The following EPM2A variants were observed in gnomAD, a reference collection of about 807,000 sequenced individuals.
EPM2A encodes laforin.
EPM2A carries 21 observed loss-of-function variants against 26.5 expected under a neutral mutation model. The ratio of observed to expected loss-of-function variants is 0.79; its 90% CI spans 0.56 to 1.14. EPM2A has a LOEUF of 1.14. Among genes scored for constraint, EPM2A ranks in the 50% most tolerant of loss-of-function variants. EPM2A has a pLI of 0.00. For missense variants in EPM2A, 458 were observed against 440.8 expected (o/e 1.04, Z -0.35); for synonymous variants, 217 against 177.6 (o/e 1.22, Z -1.76).
chr6:145,535,333 T>C (rs1481157630), intron 2 of EPM2A, among the ~76,000 whole-genome samples: 2 of 152,228 alleles, frequency 1.3e-5, no homozygotes, highest in East Asian at 3.8e-4. Context: ...GTCAAGGAAA[T>C]CTTGCTTCTT....
At chr6:145,726,481 T>G (rs1776212383) in intron 1 of EPM2A, among the ~76,000 whole-genome samples, 1 of 152,078 alleles carries the variant, frequency 6.6e-6, no homozygotes, top group African/African-American at 2.4e-5. Context: ...GACTACAGTA[T>G]GGAAATATGG....
intron 2 of EPM2A, among the ~76,000 whole-genome samples, chr6:145,645,933 T>C (rs1174254920): frequency 6.6e-6 from 1 of 152,172 alleles, no homozygotes; most frequent in African/African-American, 2.4e-5. Flanking sequence ...TCTGCATTCA[T>C]GACTGTGCTT....
intron 2 of EPM2A, among the ~76,000 whole-genome samples, chr6:145,676,595 A>G (rs1302471278): frequency 1.3e-5 from 2 of 152,132 alleles, no homozygotes; most frequent in South Asian, 2.1e-4. Context: ...GATAAAGAAG[A>G]TATCACCACC....
At chr6:145,620,806 A>G (rs757706622), downstream of EPM2A, among the ~76,000 whole-genome samples, 8 of 152,232 alleles carry the variant, frequency 5.3e-5, no homozygotes, top group African/African-American at 9.6e-5. Context: ...TTTAAATAAC[A>G]GCAATTTTTT....
intron 4 of EPM2A, among the ~76,000 whole-genome samples, chr6:145,412,491 T>C (rs1778657503): frequency 6.6e-6 from 1 of 152,158 alleles, no homozygotes; most frequent in African/African-American, 2.4e-5. Flanking sequence ...ATAAATTACA[T>C]ATCTGGTCAT....
downstream of EPM2A, chr6:145,501,479 C>T (rs1181670179): frequency 5.6e-6 from 1 of 179,218 alleles, no homozygotes; most frequent in Non-Finnish European, 1.2e-5. Flanking sequence ...TTTGTGGCCA[C>T]CTGGTTGGTC....
At chr6:145,637,484 T>C (rs927426496) in intron 2 of EPM2A, 13 of 152,078 alleles carry the variant, frequency 8.5e-5, no homozygotes, top group Admixed American at 3.9e-4. Flanking sequence ...TTTTTTTTTT[T>C]CTACTTGTGT....
chr6:145,416,122 C>T (rs934568204), intron 4 of EPM2A, among the ~76,000 whole-genome samples: 2 of 151,968 alleles, frequency 1.3e-5, no homozygotes, highest in African/African-American at 4.8e-5. Context: ...CACTTGTCAG[C>T]AAAAAGAGAA....
chr6:145,439,507 T>G (rs1779034032), intron 4 of EPM2A, among the ~76,000 whole-genome samples: 2 of 152,214 alleles, frequency 1.3e-5, no homozygotes, highest in Admixed American at 1.3e-4. Context: ...TAAAAGCCAT[T>G]CTGACTGACG....
At chr6:145,672,615 T>C (rs1025369111) in intron 2 of EPM2A, among the ~76,000 whole-genome samples, 1 of 152,224 alleles carries the variant, frequency 6.6e-6, no homozygotes, top group Non-Finnish European at 1.5e-5. Flanking sequence ...GCTGGGAAAC[T>C]TTCCCTCCCC....
intron 2 of EPM2A, among the ~76,000 whole-genome samples, chr6:145,572,680 A>G (rs1477439875): frequency 3.9e-5 from 6 of 152,012 alleles, no homozygotes; most frequent in African/African-American, 1.4e-4. Flanking sequence ...CGATTCACCT[A>G]TGGGGCCTGC....
rs79873911 is a variant in EPM2A at position 145,731,186 on chromosome 6, C to T, written c.301+4012G>A. On this transcript the variant is annotated intron_variant, in intron 1 of 3. Coordinates refer to ENST00000367519, the MANE Select transcript of EPM2A (RefSeq NM_005670.4). ...TAACGATCTTAAGCCTGCTGGCTCC[C>T]CAGCCACACACCCTGAGCGGAATTT... 1.5e-4 allele frequency among the ~76,000 whole-genome samples: 23 copies of T among 152,320 alleles called. No individual in the cohort carries two copies. The East Asian group carries it at 4.4e-3, about 29-fold the overall frequency.
At chr6:145,584,564 C>T (rs1781162866) in intron 2 of EPM2A, among the ~76,000 whole-genome samples, 1 of 152,178 alleles carries the variant, frequency 6.6e-6, no homozygotes, top group African/African-American at 2.4e-5. Flanking sequence ...GGCTGGAATT[C>T]TGCTCCTACC....
chr6:145,625,933 T>C lies in EPM2A; in HGVS notation c.*1483A>G, dbSNP rs1775780575. On this transcript the variant is annotated 3_prime_UTR_variant, in exon 4 of 4. Transcript: ENST00000367519. Reference sequence around the variant, plus strand: ...AGTTTAATTAGGAAAGTAAGGGCTTTGAATCAAACCCAGCTTTGTATCTCA... The same window carrying C: ...AGTTTAATTAGGAAAGTAAGGGCTTCGAATCAAACCCAGCTTTGTATCTCA... 7.4e-7 allele frequency: 1 copy of C among 1,358,984 alleles called. No individual in the cohort carries two copies. Among genetic ancestry groups the C allele is most frequent in the East Asian group, 2.6e-5 (1 of 39,084 alleles). The allele number at this position is 1,358,984 out of a possible 1,614,324, so 84.2% of individuals were successfully genotyped here. A position where few individuals can be genotyped will look rare whatever the true frequency, so the allele number is the denominator to read the frequency against.
rs186710183 is a variant in EPM2A at position 145,635,344 on chromosome 6, G to A, written c.619C>T (p.Arg207Cys). 18 of 1,614,032 alleles carry A rather than the reference G, an allele frequency of 1.1e-5. No homozygotes were observed. The highest frequency in any genetic ancestry group is 4.5e-5 in the East Asian group (2 of 44,876). Residue 207 changes from arginine (R) to cysteine (C), a missense_variant, in exon 3 of 4, where the codon CGC becomes TGC. By Grantham distance (180) the Arg-to-Cys change is radical. Coordinates refer to ENST00000367519, the MANE Select transcript of EPM2A (RefSeq NM_005670.4). The part of the protein sequence containing the change: ...DIVQNSSGCN[R>C]YPEPMTPDTM... ...TCTGGAGTCATGGGCTCTGGGTAGC[G>A]GTTACAGCCTGAGGAATTCTGTACA...
At chr6:145,565,738 C>A (rs1321981401) in intron 2 of EPM2A, among the ~76,000 whole-genome samples, 6 of 152,174 alleles carry the variant, frequency 3.9e-5, no homozygotes. Flanking sequence ...TGGGTATCAA[C>A]CTGCCCAAAT....
chr6:145,680,982 G>C (rs1780483911), intron 2 of EPM2A, among the ~76,000 whole-genome samples: 1 of 151,464 alleles, frequency 6.6e-6, no homozygotes, highest in Admixed American at 6.6e-5. Flanking sequence ...CTTCCACAAG[G>C]GTTGAACTAG....
At chr6:145,645,897 C>G (rs1033295396) in intron 2 of EPM2A, among the ~76,000 whole-genome samples, 1 of 152,094 alleles carries the variant, frequency 6.6e-6, no homozygotes, top group East Asian at 1.9e-4. Context: ...GTGCCCGGCC[C>G]TGGCAAAACT....
chr6:145,518,687 A>T (rs1207813642), intron 2 of EPM2A, among the ~76,000 whole-genome samples: 1 of 151,494 alleles, frequency 6.6e-6, no homozygotes, highest in Non-Finnish European at 1.5e-5. Flanking sequence ...GCCAACAGTT[A>T]GCTTTGAGTA....
Sources: gnomAD v4.1 joint callset for allele counts (sites outside exome capture counted in the v4.1 genomes callset) on GRCh38, gnomAD v4.1.1 for gene constraint, MANE v1.5 for transcripts, NCBI Gene and HGNC (gene_info 2026-07-23, HGNC 2026-07-21) for gene names.